ARK2N: variants seen among roughly 807,000 people sequenced by gnomAD.
ARK2N encodes protein ARK2N.
chr18:46,260,737 T>C, the ARK2N span, among the ~76,000 whole-genome samples: 1 of 152,216 alleles, frequency 6.6e-6, no homozygotes, highest in African/African-American at 2.4e-5. Flanking sequence ...CAGTGCTTCT[T>C]TCAGTCAAAC....
At chr18:46,231,100 G>A in the ARK2N span, among the ~76,000 whole-genome samples, 1 of 152,146 alleles carries the variant, frequency 6.6e-6, no homozygotes, top group Non-Finnish European at 1.5e-5. Context: ...TTAAAATTGA[G>A]CATAATTTTT....
chr18:46,255,700 C>T, the ARK2N span, among the ~76,000 whole-genome samples: 1 of 151,810 alleles, frequency 6.6e-6, no homozygotes, highest in Non-Finnish European at 1.5e-5. Flanking sequence ...ATCCACCCAC[C>T]TCGGCCTCCC....
chr18:46,197,649 G>A, the ARK2N span, among the ~76,000 whole-genome samples: 3 of 152,168 alleles, frequency 2.0e-5, no homozygotes, highest in African/African-American at 7.2e-5. Flanking sequence ...CTGAAGACCT[G>A]TGAACCACAG....
chr18:46,244,140 GGTAA>G, the ARK2N span, among the ~76,000 whole-genome samples: 8 of 152,238 alleles, frequency 5.3e-5, no homozygotes, highest in East Asian at 9.6e-4. Flanking sequence ...AATAGCCTCA[GGTAA>G]CTCTTGTATC....
the ARK2N span, among the ~76,000 whole-genome samples, chr18:46,257,461 T>C: frequency 6.6e-6 from 1 of 152,204 alleles, no homozygotes; most frequent in Non-Finnish European, 1.5e-5. Context: ...TCTGAGCTAA[T>C]GGTTGAACGC....
the ARK2N span, among the ~76,000 whole-genome samples, chr18:46,222,255 G>A: frequency 6.6e-6 from 1 of 152,204 alleles, no homozygotes; most frequent in South Asian, 2.1e-4. Context: ...AAATCACTGT[G>A]AAACTGGTAG....
At chr18:46,219,006 C>T in the ARK2N span, 1 of 152,176 alleles carries the variant, frequency 6.6e-6, no homozygotes, top group African/African-American at 2.4e-5. Context: ...TTTGTTTGGG[C>T]TCAGCTTAAA....
At chr18:46,205,793 A>C in the ARK2N span, among the ~76,000 whole-genome samples, 1 of 152,188 alleles carries the variant, frequency 6.6e-6, no homozygotes, top group African/African-American at 2.4e-5. Context: ...TGGCACAGTC[A>C]TGGCTCACTG....
chr18:46,239,306 T>G, the ARK2N span, among the ~76,000 whole-genome samples: 1 of 152,182 alleles, frequency 6.6e-6, no homozygotes, highest in Non-Finnish European at 1.5e-5. Context: ...GATTGCATAT[T>G]GTTTAGTTGG....
chr18:46,216,651 C>G, the ARK2N span: 1 of 1,447,450 alleles, frequency 6.9e-7, no homozygotes, highest in Non-Finnish European at 9.3e-7. The surrounding 1 kb of genome is among the most constrained non-coding windows in gnomAD (Gnocchi z 4.3). Flanking sequence ...TCTCAGCTAT[C>G]AGGTTCAGTT....
the ARK2N span, among the ~76,000 whole-genome samples, chr18:46,244,597 T>A: frequency 7.7e-6 from 1 of 129,700 alleles, no homozygotes. Flanking sequence ...TGGTAAGAGT[T>A]TAGATTTTTT....
the ARK2N span, among the ~76,000 whole-genome samples, chr18:46,178,061 G>C: frequency 8.5e-5 from 13 of 152,258 alleles, no homozygotes; most frequent in East Asian, 1.4e-3. Context: ...TAAACCTGAG[G>C]TTCGAGTTGG....
At chr18:46,220,388 C>G in the ARK2N span, among the ~76,000 whole-genome samples, 19 of 152,308 alleles carry the variant, frequency 1.2e-4, no homozygotes, top group East Asian at 3.5e-3. Context: ...CAGCTATCAT[C>G]TTACCTCATA....
the ARK2N span, among the ~76,000 whole-genome samples, chr18:46,183,887 G>C: frequency 2.6e-5 from 4 of 152,058 alleles, no homozygotes; most frequent in South Asian, 8.3e-4. Context: ...GCAGTGGCGC[G>C]ATCTCAGCTC....
the ARK2N span, among the ~76,000 whole-genome samples, chr18:46,198,762 C>T: frequency 6.6e-6 from 1 of 152,024 alleles, no homozygotes; most frequent in African/African-American, 2.4e-5. Context: ...TCACACCTGG[C>T]TAATTTTTGT....
chr18:46,201,166 A>G, the ARK2N span, among the ~76,000 whole-genome samples: 116 of 151,960 alleles, frequency 7.6e-4, no homozygotes, highest in African/African-American at 2.7e-3. Context: ...ATTTTTTTGT[A>G]GATATAGGAT....
chr18:46,225,652 G>C, the ARK2N span, among the ~76,000 whole-genome samples: 2 of 152,122 alleles, frequency 1.3e-5, no homozygotes, highest in South Asian at 4.2e-4. Context: ...AGTAGAGACA[G>C]GGTTTCACTA....
chr18:46,218,417 G>A, the ARK2N span: 1 of 152,106 alleles, frequency 6.6e-6, no homozygotes, highest in Non-Finnish European at 1.5e-5. Flanking sequence ...GTTTTCTAAG[G>A]TAATCCTGGA....
the ARK2N span, among the ~76,000 whole-genome samples, chr18:46,259,347 G>C: frequency 1.3e-4 from 20 of 149,574 alleles, no homozygotes; most frequent in African/African-American, 4.9e-4. Context: ...GGGTTCAAGC[G>C]ATTCTCCTGC....
Sources: gnomAD v4.1 joint callset for allele counts (sites outside exome capture counted in the v4.1 genomes callset) on GRCh38, gnomAD v4.1.1 for gene constraint, Gnocchi (gnomAD v3.1) non-coding constraint, MANE v1.5 for transcripts, NCBI Gene and HGNC (gene_info 2026-07-23, HGNC 2026-07-21) for gene names.